CHGB: variants seen among roughly 807,000 people sequenced by gnomAD.
The protein encoded by CHGB is chromogranin B.
In CHGB, 46 loss-of-function variants were observed where a neutral mutation model predicts 69.9. That is an observed-to-expected ratio of 0.66 (90% confidence interval 0.52 to 0.84). The LOEUF is 0.84. Ranked by LOEUF, CHGB falls within the 40% of genes least tolerant of loss-of-function variation. The pLI is 0.00. For synonymous variants in CHGB, 312 were observed against 298.2 expected, an observed-to-expected ratio of 1.05 and a Z score of -0.48; for missense variants, 796 against 822.2, an observed-to-expected ratio of 0.97 and a Z score of 0.39.
At chr20:5,911,839 C>T (rs2122564241) in intron 1 of CHGB, among the ~76,000 whole-genome samples, 157 bp downstream of exon 1, 1 of 152,346 alleles carries the variant, frequency 6.6e-6, no homozygotes, top group South Asian at 2.1e-4. Flanking sequence ...GGGTGTTTTC[C>T]TTCAGCTCCT....
intron 1 of CHGB, chr20:5,914,839 C>T (rs930196032): frequency 2.0e-4 from 30 of 152,124 alleles, no homozygotes; most frequent in African/African-American, 7.2e-4. Context: ...GAAGTGATCC[C>T]AGATCATGCT....
chr20:5,923,683 AAAG>A lies in CHGB; in HGVS notation c.1541_1543del (p.Lys514del). On this transcript the variant is annotated inframe_deletion, in exon 4 of 5. Coordinates refer to ENST00000378961, the MANE Select transcript of CHGB (RefSeq NM_001819.3). ...AATATAGCTCCCATCACACAGCTGAAAAGAGGAAGAGATTAGGGGAACTGTTCA... is the reference window on the plus strand; with the variant it reads ...AATATAGCTCCCATCACACAGCTGAAAGGAAGAGATTAGGGGAACTGTTCA... 6.2e-7 allele frequency: 1 copy of A among 1,614,168 alleles called. No individual in the cohort carries two copies. The highest frequency in any genetic ancestry group is 1.1e-5 in the South Asian group (1 of 91,084).
rs1366255262 is a variant in CHGB, at chr20:5,922,654, A to G, written c.510A>G (p.Gly170=). The change falls in exon 4 of 5, where the codon GGA becomes GGG. Residue 170 remains glycine, a synonymous_variant. Coordinates refer to ENST00000378961, the MANE Select transcript of CHGB (RefSeq NM_001819.3). The stretch of plus-strand genomic sequence containing the variant: ...GAGAGGATGAGGAGGAGGAGGAGGG[A>G]GAGAACTATCAAAAAGGGGAGCGAG... ...SQREDEEEEE[G]ENYQKGERGE... The G allele has an allele frequency of 1.9e-6, 3 of 1,613,996 alleles. No individual in the cohort carries two copies. Among genetic ancestry groups the G allele is most frequent in the Non-Finnish European group, 2.5e-6 (3 of 1,179,912 alleles).
rs951983478 is a variant in CHGB at position 5,922,598 on chromosome 20, G to A, written c.454G>A (p.Val152Met). The A allele has an allele frequency of 6.2e-7, 1 of 1,613,986 alleles. No individual in the cohort carries two copies. The highest frequency in any genetic ancestry group is 1.3e-5 in the African/African-American group (1 of 74,908). Residue 152 changes from valine to methionine, a missense_variant, in exon 4 of 5, where the codon GTG (valine) becomes ATG (methionine). Transcript: ENST00000378961. ...CTCCGACAGCCAAGTCTCTGAAGAA[G>A]TGAAGACACGCCATTCTGAGAAGAG... ...YPSDSQVSEE[V>M]KTRHSEKSQR...
At chr20:5,918,795 G>A (rs988421220) in intron 3 of CHGB, among the ~76,000 whole-genome samples, 3 of 111,272 alleles carry the variant, frequency 2.7e-5, no homozygotes, top group Non-Finnish European at 5.0e-5. Context: ...CTCAGTGACA[G>A]AGCGAGTCTC....
At chr20:5,911,752 A>C in intron 1 of CHGB, 70 bp downstream of exon 1, 3 of 1,324,738 alleles carry the variant, frequency 2.3e-6, no homozygotes, top group South Asian at 1.7e-5. Context: ...CCGCTCCCGC[A>C]GCCAGGCTGG....
Position 5,911,616 on chromosome 20 carries a change from G to A in CHGB, c.-18G>A. ...AGCCGCCATCTTCCTTTCCGCACAG[G>A]GGCCGCCGAGCGGGGCCATGCAGCC... On this transcript the variant is annotated 5_prime_UTR_variant, in exon 1 of 5. Transcript: ENST00000378961. 6.6e-7 allele frequency: 1 copy of A among 1,518,236 alleles called. No homozygotes were observed. Among genetic ancestry groups the A allele is most frequent in the Non-Finnish European group, 8.8e-7 (1 of 1,138,270 alleles). 94.0% of individuals were successfully genotyped at this position (1,518,236 alleles called of 1,614,324 possible).
chr20:5,922,833 A>G lies in CHGB; in HGVS notation c.689A>G (p.His230Arg), dbSNP rs138343696. 2,773 of 1,614,188 alleles carry G rather than the reference A, an allele frequency of 1.7e-3. 6 individuals carry two copies. Among genetic ancestry groups the G allele is most frequent in the Non-Finnish European group, 1.8e-3 (2,155 of 1,180,030 alleles). Reference protein sequence around the residue: ...HAAGHSQEKTHSREKSSQESG... With the variant: ...HAAGHSQEKTRSREKSSQESG... The stretch of plus-strand genomic sequence containing the variant: ...GCCGGGCATTCTCAGGAGAAGACAC[A>G]TAGCCGAGAGAAGAGTAGCCAGGAG... The change falls in exon 4 of 5, where the codon CAT (histidine) becomes CGT (arginine). Residue 230 changes from histidine (H) to arginine (R), a missense_variant. His to Arg is a conservative substitution (Grantham distance 29). Around this residue, in one of 3 missense-constraint regions of CHGB, gnomAD observed 518 missense variants for 506.3 expected, o/e 1.02. Transcript: ENST00000378961.
At chr20:5,913,325 A>T (rs1466453228) in intron 1 of CHGB, among the ~76,000 whole-genome samples, 1 of 152,296 alleles carries the variant, frequency 6.6e-6, no homozygotes, top group East Asian at 1.9e-4. Flanking sequence ...TCATCACCCC[A>T]GAAAGATACC....
chr20:5,923,697 T>G lies in CHGB; in HGVS notation c.1553T>G (p.Leu518Ter), dbSNP rs1198038323. Residue 518 changes from leucine (L) to a stop codon, truncating the protein, a stop_gained, in exon 4 of 5, where the codon TTA becomes TGA. Transcript: ENST00000378961. LOFTEE classifies it high-confidence loss of function. ...CACACAGCTGAAAAGAGGAAGAGAT[T>G]AGGGGAACTGTTCAACCCATACTAC... ...SHHTAEKRKR[L>*]GELFNPYYDP... 3.7e-6 allele frequency: 6 copies of G among 1,613,808 alleles called. No individual in the cohort carries two copies. The highest frequency in any genetic ancestry group is 5.1e-6 in the Non-Finnish European group (6 of 1,179,982).
In CHGB at chr20:5,911,542, C is replaced by T; in HGVS notation, c.-92C>T. 1 of 1,377,554 alleles carries T rather than the reference C, an allele frequency of 7.3e-7. No homozygotes were observed. The highest frequency in any genetic ancestry group is 1.5e-5 in the African/African-American group (1 of 66,502). The allele number at this position is 1,377,554 out of a possible 1,614,324, so 85.3% of individuals were successfully genotyped here. A position where few individuals can be genotyped will look rare whatever the true frequency, so the allele number is the denominator to read the frequency against. On this transcript the variant is annotated 5_prime_UTR_variant, in exon 1 of 5. Transcript: ENST00000378961. ...GGGGACCAGGAGGCACGCTGGTTTTCCGGGGCCGCTCCATCGCGCCTTCCT... is the reference window on the plus strand; with the variant it reads ...GGGGACCAGGAGGCACGCTGGTTTTTCGGGGCCGCTCCATCGCGCCTTCCT...
rs1214236362 is a variant in CHGB, at chr20:5,911,546, G to A, written c.-88G>A. ...ACCAGGAGGCACGCTGGTTTTCCGG[G>A]GCCGCTCCATCGCGCCTTCCTCCTG... On this transcript the variant is annotated 5_prime_UTR_variant, in exon 1 of 5. Coordinates refer to ENST00000378961, the MANE Select transcript of CHGB (RefSeq NM_001819.3). The A allele has an allele frequency of 5.0e-6, 7 of 1,393,470 alleles. No individual in the cohort carries two copies. The African/African-American group carries it at 9.0e-5, about 18-fold the overall frequency. 86.3% of individuals were successfully genotyped at this position (1,393,470 alleles called of 1,614,324 possible).
At chr20:5,922,207 C>G in intron 3 of CHGB, 128 bp from the exon 4 acceptor site, 1 of 1,262,592 alleles carries the variant, frequency 7.9e-7, no homozygotes, top group Non-Finnish European at 1.0e-6. Flanking sequence ...TGAGTATATT[C>G]TTCATTAACT....
At chr20:5,911,984 T>A (rs1283380977) in intron 1 of CHGB, among the ~76,000 whole-genome samples, 2 of 152,222 alleles carry the variant, frequency 1.3e-5, no homozygotes. Context: ...CCTCACATTT[T>A]GTATTCGCTT....
At chr20:5,922,186 C>A in intron 3 of CHGB, 149 bp from the exon 4 acceptor site, 1 of 1,120,702 alleles carries the variant, frequency 8.9e-7, no homozygotes, top group Non-Finnish European at 1.2e-6. Flanking sequence ...CATTTACTTT[C>A]AAAAGGAATC....
rs2088524711 is a variant in CHGB at position 5,922,956 on chromosome 20, C to T, written c.812C>T (p.Thr271Ile). 11 of 1,610,948 alleles carry T rather than the reference C, an allele frequency of 6.8e-6. No homozygotes were observed. The highest frequency in any genetic ancestry group is 2.2e-5 in the East Asian group (1 of 44,716). ...TCTGAGGAAGGTGAGGAAGATGCCA[C>T]CTCTGAGGTGGACAAACGACGCACG... is the stretch of plus-strand genomic sequence containing the variant. Reference protein sequence around the residue: ...EESEEGEEDATSEVDKRRTRP... With the variant: ...EESEEGEEDAISEVDKRRTRP... Residue 271 changes from threonine (T) to isoleucine (I), a missense_variant, in exon 4 of 5, where the codon ACC (threonine) becomes ATC (isoleucine). By Grantham distance (89) the Thr-to-Ile change is moderately conservative. Coordinates refer to ENST00000378961, the MANE Select transcript of CHGB (RefSeq NM_001819.3).
intron 1 of CHGB, 99 bp downstream of exon 1, chr20:5,911,781 G>A (rs1418740347): frequency 1.8e-6 from 2 of 1,118,632 alleles, no homozygotes; most frequent in Non-Finnish European, 2.4e-6. Flanking sequence ...GGGAGAGAGG[G>A]AGGGTTGAGG....
chr20:5,913,860 G>C (rs2088460844), intron 1 of CHGB, among the ~76,000 whole-genome samples: 2 of 151,878 alleles, frequency 1.3e-5, no homozygotes, highest in Admixed American at 1.3e-4. Context: ...TCGAACTCCT[G>C]ACCTCAGGTA....
chr20:5,921,260 G>T (rs553922980), intron 3 of CHGB, among the ~76,000 whole-genome samples: 52 of 152,160 alleles, frequency 3.4e-4, no homozygotes, highest in African/African-American at 1.2e-3. Flanking sequence ...GAAGTCTGAT[G>T]TGTATCTTAC....
Sources: gnomAD v4.1 joint callset for allele counts (sites outside exome capture counted in the v4.1 genomes callset) on GRCh38, gnomAD v4.1.1 for gene constraint, gnomAD v4.1.1 regional missense constraint, MANE v1.5 for transcripts, NCBI Gene and HGNC (gene_info 2026-07-23, HGNC 2026-07-21) for gene names.